Variants in BCL9 observed in about 807,000 individuals in gnomAD.
BCL9 encodes the protein B-cell CLL/lymphoma 9 protein.
In BCL9, 25 loss-of-function variants were observed where a neutral mutation model predicts 88.5. The ratio of observed to expected loss-of-function variants is 0.28; its 90% confidence interval spans 0.21 to 0.39. BCL9 has a LOEUF of 0.39. BCL9 is among the 10% of genes least tolerant of loss of function. BCL9 has a pLI of 1.00. For missense variants in BCL9, 1,817 were observed against 1,877.8 expected, an observed-to-expected ratio of 0.97 and a Z score of 0.60; for synonymous variants, 711 against 673.3, an observed-to-expected ratio of 1.06 and a Z score of -0.87.
intron 4 of BCL9, 93 bp from the exon 5 acceptor site, chr1:147,612,790 C>G: frequency 7.7e-7 from 1 of 1,296,298 alleles, no homozygotes; most frequent in Non-Finnish European, 1.1e-6. Context: ...TCCTAAGGGT[C>G]TCCTTGACCC....
intron 1 of BCL9, among the ~76,000 whole-genome samples, chr1:147,569,926 C>A (rs1553197173): frequency 6.6e-6 from 1 of 151,800 alleles, no homozygotes; most frequent in Non-Finnish European, 1.5e-5. Flanking sequence ...AGGCCATTTT[C>A]TGAAGGGAAA....
At chr1:147,576,571 A>C (rs1656120852) in intron 1 of BCL9, among the ~76,000 whole-genome samples, 1 of 152,226 alleles carries the variant, frequency 6.6e-6, no homozygotes, top group African/African-American at 2.4e-5. Context: ...CTGTAATGAA[A>C]TATGGTACTA....
chr1:147,589,497 C>T (rs587694726), intron 1 of BCL9, among the ~76,000 whole-genome samples: 1 of 152,336 alleles, frequency 6.6e-6, no homozygotes, highest in South Asian at 2.1e-4. Context: ...AGTCGATCCC[C>T]ATTCCCACCC....
intron 1 of BCL9, among the ~76,000 whole-genome samples, chr1:147,600,576 C>T (rs1553201125): frequency 6.6e-6 from 1 of 151,872 alleles, no homozygotes. Context: ...GAGAGGGCAT[C>T]TCTTCTTTTT....
At chr1:147,599,533 G>T (rs1277092721) in intron 1 of BCL9, among the ~76,000 whole-genome samples, 2 of 152,172 alleles carry the variant, frequency 1.3e-5, no homozygotes, top group Non-Finnish European at 2.9e-5. Context: ...GAGGCGGCGG[G>T]AAGGTCCGGG....
chr1:147,615,021 A>G (rs375485801), intron 6 of BCL9, among the ~76,000 whole-genome samples: 4 of 151,950 alleles, frequency 2.6e-5, no homozygotes, highest in South Asian at 2.1e-4. Context: ...TGTATTTTTT[A>G]GTAGAGATGG....
At chr1:147,566,125 A>G (rs910627138) in intron 1 of BCL9, among the ~76,000 whole-genome samples, 1 of 152,186 alleles carries the variant, frequency 6.6e-6, no homozygotes. Context: ...GACATTTAGC[A>G]TCAAGACAGA....
In BCL9 at chr1:147,618,963, C is replaced by A. The variant is rs1396717859; in HGVS notation, c.808C>A (p.Pro270Thr). The change falls in exon 8 of 10, where the codon CCC becomes ACC. Residue 270 changes from proline (P) to threonine (T), a missense_variant. Pro to Thr is a conservative substitution (Grantham distance 38). Transcript: ENST00000234739. ...GGCACCAGCACCCAAGCCTGCCGCA[C>A]CCCCACGTCCCCTGGACCGGGAGAG... Reference protein sequence around the residue: ...IPAPAPKPAAPPRPLDRESPG... With the variant: ...IPAPAPKPAATPRPLDRESPG... 2 of 1,613,702 alleles carry A rather than the reference C, an allele frequency of 1.2e-6. No individual in the cohort carries two copies. Among genetic ancestry groups the A allele is most frequent in the Non-Finnish European group, 8.5e-7 (1 of 1,179,780 alleles).
chr1:147,606,701 TTTCTCTTAAGATATTCATTGA>T (rs1391944149), intron 2 of BCL9, 62 bp from the exon 3 acceptor site: 1 of 152,314 alleles, frequency 6.6e-6, no homozygotes, highest in Non-Finnish European at 1.5e-5. Context: ...GAAACCTGTT[TTTCTCTTAAGATATTCATTGA>T]CAAATTGATG....
chr1:147,590,266 A>G (rs1480353092), intron 1 of BCL9, among the ~76,000 whole-genome samples: 1 of 152,086 alleles, frequency 6.6e-6, no homozygotes, highest in Non-Finnish European at 1.5e-5. Flanking sequence ...CTTTCCACCA[A>G]TTTTATGGCT....
intron 8 of BCL9, 31 bp downstream of exon 8, chr1:147,621,088 C>A: frequency 4.4e-6 from 7 of 1,580,746 alleles, no homozygotes; most frequent in Non-Finnish European, 6.0e-6. Flanking sequence ...ACAGTTGCAC[C>A]TAGTAGCTGG....
At chr1:147,571,674 G>T (rs1388094383) in intron 1 of BCL9, among the ~76,000 whole-genome samples, 3 of 152,154 alleles carry the variant, frequency 2.0e-5, no homozygotes, top group African/African-American at 7.2e-5. Flanking sequence ...TCAGAGAGAG[G>T]AAATGGCCTC....
At chr1:147,615,658 C>T in intron 6 of BCL9, 145 bp from the exon 7 acceptor site, 2 of 572,420 alleles carry the variant, frequency 3.5e-6, no homozygotes, top group South Asian at 2.6e-5. Context: ...ACATGTTTGT[C>T]TTGATTTCTT....
At chr1:147,605,905 A>G (rs1286744001) in intron 2 of BCL9, among the ~76,000 whole-genome samples, 2 of 152,202 alleles carry the variant, frequency 1.3e-5, no homozygotes, top group African/African-American at 4.8e-5. Flanking sequence ...AGAGCAGGGA[A>G]ATGGGAAAGC....
chr1:147,602,155 C>T (rs1553201400), intron 1 of BCL9, among the ~76,000 whole-genome samples: 1 of 151,194 alleles, frequency 6.6e-6, no homozygotes, highest in African/African-American at 2.4e-5. Context: ...CCCACCTCAG[C>T]CTCCCAAAGT....
intron 4 of BCL9, 142 bp downstream of exon 4, chr1:147,612,031 T>C (rs1658031126): frequency 2.6e-6 from 2 of 781,856 alleles, no homozygotes; most frequent in Non-Finnish European, 2.1e-6. Flanking sequence ...GACTAGTAAA[T>C]AGTAATATAA....
chr1:147,580,157 C>T (rs782561386), intron 1 of BCL9, among the ~76,000 whole-genome samples: 1 of 152,168 alleles, frequency 6.6e-6, no homozygotes, highest in Non-Finnish European at 1.5e-5. Context: ...GGGGAACAGA[C>T]TCTCATTGCA....
At chr1:147,570,785 G>A (rs1336689869) in intron 1 of BCL9, among the ~76,000 whole-genome samples, 8 of 151,574 alleles carry the variant, frequency 5.3e-5, no homozygotes, top group African/African-American at 1.5e-4. Flanking sequence ...ACAGGCATGC[G>A]CCACCACGCC....
At chr1:147,575,505 A>G (rs990395762) in intron 1 of BCL9, among the ~76,000 whole-genome samples, 2 of 152,198 alleles carry the variant, frequency 1.3e-5, no homozygotes, top group Admixed American at 1.3e-4. Flanking sequence ...AGGTTGGATG[A>G]TTTGAACCCA....
Sources: gnomAD v4.1 joint callset for allele counts (sites outside exome capture counted in the v4.1 genomes callset) on GRCh38, gnomAD v4.1.1 for gene constraint, MANE v1.5 for transcripts, NCBI Gene and HGNC (gene_info 2026-07-23, HGNC 2026-07-21) for gene names.